The following FAM184B variants were observed in gnomAD, a reference collection of about 807,000 sequenced individuals.
FAM184B encodes family with sequence similarity 184 member B.
A neutral mutation model predicts 135.9 loss-of-function variants in FAM184B; 111 were observed. The observed-to-expected ratio is 0.82, with a 90% CI of 0.70 to 0.96. The LOEUF (loss-of-function observed/expected upper bound fraction) is 0.96. Ranked by LOEUF, FAM184B falls within the 40% of genes least tolerant of loss-of-function variation. FAM184B has a pLI of 0.00. For missense variants in FAM184B, 1,375 were observed against 1,323.9 expected (o/e 1.04, Z -0.60); for synonymous variants, 552 against 524.8 (o/e 1.05, Z -0.71).
In FAM184B at chr4:17,639,472, C is replaced by G. The variant is rs556192983; in HGVS notation, c.2520-76G>C. 1.7e-5 allele frequency: 25 copies of G among 1,494,574 alleles called. No individual in the cohort carries two copies. In the South Asian group the frequency reaches 2.8e-4, roughly 17 times the overall value. 92.6% of individuals were successfully genotyped at this position (1,494,574 alleles called of 1,614,324 possible). On this transcript the variant is annotated intron_variant, in intron 13 of 17. Coordinates refer to ENST00000265018, the MANE Select transcript of FAM184B (RefSeq NM_015688.2). ...CCCTTGGGCTCTGGGGTTTATTTCC[C>G]TCATCGCTGCCCAGTTTGGGAGATC...
At chr4:17,749,042 C>T (rs907455284) in intron 1 of FAM184B, among the ~76,000 whole-genome samples, 1 of 147,346 alleles carries the variant, frequency 6.8e-6, no homozygotes, top group East Asian at 2.0e-4. Flanking sequence ...CTATGTTGTC[C>T]TGGCTGGTCT....
At chr4:17,711,249 G>A (rs978599760) in intron 1 of FAM184B, among the ~76,000 whole-genome samples, 1 of 152,034 alleles carries the variant, frequency 6.6e-6, no homozygotes, top group Non-Finnish European at 1.5e-5. Context: ...TGGAGGCTGA[G>A]GTGGGCGGAT....
rs376312038 is a variant in FAM184B at position 17,658,384 on chromosome 4, C to G, written c.2003G>C (p.Arg668Pro). The G allele has an allele frequency of 6.4e-7, 1 of 1,551,704 alleles. No homozygotes were observed. The highest frequency in any genetic ancestry group is 8.7e-7 in the Non-Finnish European group (1 of 1,147,016). The change falls in exon 10 of 18, where the codon CGC (arginine) becomes CCC (proline). Residue 668 changes from arginine to proline, a missense_variant. Arg to Pro is a moderately radical substitution (Grantham distance 103, BLOSUM62 -2). Transcript: ENST00000265018. ...QLEASHQRAL[R>P]MLEKARHQEL... ...CTGATGTCTGGCCTTCTCCAGCATG[C>G]GCAGGGCTCTCTGGTGGGAAGCCTC...
intron 7 of FAM184B, among the ~76,000 whole-genome samples, chr4:17,681,837 G>C (rs1284066493): frequency 6.6e-6 from 1 of 152,164 alleles, no homozygotes; most frequent in Admixed American, 6.5e-5. Flanking sequence ...GATGTCCGCA[G>C]ATGTCATTCT....
intron 1 of FAM184B, among the ~76,000 whole-genome samples, chr4:17,732,715 G>T (rs1356353019): frequency 6.6e-6 from 1 of 152,110 alleles, no homozygotes; most frequent in Admixed American, 6.6e-5. Context: ...ACCAAAAAAA[G>T]TCCAGGACCA....
intron 16 of FAM184B, among the ~76,000 whole-genome samples, chr4:17,634,504 A>G (rs1715063810): frequency 6.6e-6 from 1 of 152,052 alleles, no homozygotes; most frequent in Admixed American, 6.6e-5. Context: ...TTGTATTTTT[A>G]ATAGAGTTGG....
chr4:17,656,463 G>A (rs1010162061), intron 10 of FAM184B, among the ~76,000 whole-genome samples: 29 of 152,158 alleles, frequency 1.9e-4, no homozygotes, highest in Non-Finnish European at 3.4e-4. Context: ...GAGCAATGGT[G>A]TGATCTCAGC....
intron 1 of FAM184B, among the ~76,000 whole-genome samples, chr4:17,767,615 G>A (rs17583557): frequency 0.36 from 54,245 of 151,980 alleles, 11,436 homozygotes; most frequent in Non-Finnish European, 0.48. Context: ...TGCATTATGG[G>A]CATGGTGACG....
intron 1 of FAM184B, among the ~76,000 whole-genome samples, chr4:17,725,344 G>T (rs1037534940): frequency 1.3e-5 from 2 of 152,196 alleles, no homozygotes; most frequent in African/African-American, 2.4e-5. Context: ...GTGGATTTAC[G>T]CAGTGCTGCC....
intron 12 of FAM184B, among the ~76,000 whole-genome samples, chr4:17,645,953 T>C (rs1226556012): frequency 3.3e-5 from 5 of 152,186 alleles, no homozygotes; most frequent in African/African-American, 9.7e-5. Context: ...AAGACATTTA[T>C]GCAGCCAAAA....
At chr4:17,763,785 T>C (rs1718597281) in intron 1 of FAM184B, among the ~76,000 whole-genome samples, 1 of 152,080 alleles carries the variant, frequency 6.6e-6, no homozygotes, top group Non-Finnish European at 1.5e-5. Context: ...TCTGGGAAAA[T>C]GTCATTAATG....
intron 7 of FAM184B, among the ~76,000 whole-genome samples, chr4:17,668,413 C>G (rs1420177940): frequency 6.6e-6 from 1 of 152,228 alleles, no homozygotes; most frequent in African/African-American, 2.4e-5. Context: ...CTTCAAGGCC[C>G]TATTCAACTG....
chr4:17,666,357 G>T (rs1177732117), intron 7 of FAM184B, among the ~76,000 whole-genome samples: 1 of 142,808 alleles, frequency 7.0e-6, no homozygotes, highest in Non-Finnish European at 1.5e-5. Flanking sequence ...AGGCTGATGT[G>T]CAGTGGCGCA....
chr4:17,687,997 G>A (rs1032589947), intron 7 of FAM184B, among the ~76,000 whole-genome samples: 3 of 152,124 alleles, frequency 2.0e-5, no homozygotes, highest in African/African-American at 4.8e-5. Flanking sequence ...TCCCTGAAAC[G>A]GCAGGTTCAC....
At chr4:17,731,161 GA>G (rs1225151444) in intron 1 of FAM184B, among the ~76,000 whole-genome samples, 17 of 152,202 alleles carry the variant, frequency 1.1e-4, no homozygotes, top group African/African-American at 3.9e-4. Flanking sequence ...TGCCCTAAAA[GA>G]GCTCCTGAAG....
chr4:17,632,491 T>G lies in FAM184B; in HGVS notation c.*41A>C. On this transcript the variant is annotated 3_prime_UTR_variant, in exon 18 of 18. Transcript: ENST00000265018. ...CTTCAATCGGATGATTTAAAATAAATGTTTTTCAAGTATCCTCTGTGATGT... is the reference window on the plus strand; with the variant it reads ...CTTCAATCGGATGATTTAAAATAAAGGTTTTTCAAGTATCCTCTGTGATGT... 1 of 1,422,392 alleles carries G rather than the reference T, an allele frequency of 7.0e-7. No individual in the cohort carries two copies. The highest frequency in any genetic ancestry group is 9.6e-7 in the Non-Finnish European group (1 of 1,039,374). 88.1% of individuals were successfully genotyped at this position (1,422,392 alleles called of 1,614,324 possible).
At chr4:17,757,873 G>A (rs1718456626) in intron 1 of FAM184B, among the ~76,000 whole-genome samples, 1 of 152,176 alleles carries the variant, frequency 6.6e-6, no homozygotes, top group African/African-American at 2.4e-5. Flanking sequence ...CTCTGCAGCA[G>A]TTTAGAATCA....
At chr4:17,696,830 G>GAATAAATAAATA (rs60876270) in intron 5 of FAM184B, among the ~76,000 whole-genome samples, 4 of 151,678 alleles carry the variant, frequency 2.6e-5, no homozygotes, top group African/African-American at 9.7e-5. Context: ...ATGAATGAAT[G>GAATAAATAAATA]AATAAATAAA....
rs1715797531 is a variant in FAM184B at position 17,657,314 on chromosome 4, G to A, written c.2037+1036C>T. 2.6e-5 allele frequency among the ~76,000 whole-genome samples: 4 copies of A among 152,330 alleles called. No individual in the cohort carries two copies. In the South Asian group the frequency reaches 8.3e-4, roughly 32 times the overall value. On this transcript the variant is annotated intron_variant, in intron 10 of 17. Transcript: ENST00000265018. Reference sequence around the variant, plus strand: ...TTCCCCTGGAGACAGCTCTTCCAGAGCCCTCAGTTCCTTGCTGCAGCCTGG... The same window carrying A: ...TTCCCCTGGAGACAGCTCTTCCAGAACCCTCAGTTCCTTGCTGCAGCCTGG...
Sources: gnomAD v4.1 joint callset for allele counts (sites outside exome capture counted in the v4.1 genomes callset) on GRCh38, gnomAD v4.1.1 for gene constraint, MANE v1.5 for transcripts, NCBI Gene and HGNC (gene_info 2026-07-23, HGNC 2026-07-21) for gene names.